The following PRDM16 variants were observed in gnomAD, a reference collection of about 807,000 sequenced individuals.
The protein encoded by PRDM16 is PR/SET domain 16.
A neutral mutation model predicts 110.6 loss-of-function variants in PRDM16; 23 were observed. The observed-to-expected ratio is 0.21, with a 90% CI of 0.15 to 0.29. The LOEUF (loss-of-function observed/expected upper bound fraction) is 0.29, where lower values mean the gene tolerates loss of function less well. PRDM16 is among the 10% of genes least tolerant of loss of function. PRDM16 has a pLI of 1.00. For missense variants in PRDM16, 1,615 were observed against 1,794.3 expected, an observed-to-expected ratio of 0.90 and a Z score of 1.81; for synonymous variants, 799 against 781.8, an observed-to-expected ratio of 1.02 and a Z score of -0.37.
chr1:3,070,943 G>A (rs1270314061), intron 1 of PRDM16, among the ~76,000 whole-genome samples: 1 of 152,242 alleles, frequency 6.6e-6, no homozygotes, highest in Non-Finnish European at 1.5e-5. Context: ...GACCCCTCTT[G>A]GTGCGAACAA....
Position 3,201,896 on chromosome 1 carries a change from C to T in PRDM16, c.387+15422C>T, listed in dbSNP as rs747660036. ...GAGCTTAGGCGCTGACTCCACCTCT[C>T]GGAGGGACCTCCAAGTGGAGCCTTC... On this transcript the variant is annotated intron_variant, in intron 2 of 16. Coordinates refer to ENST00000270722, the MANE Select transcript of PRDM16 (RefSeq NM_022114.4). This position sits in a 1 kb window ranked among gnomAD's most constrained non-coding sequence, Gnocchi z 4.1. 2.0e-4 allele frequency among the ~76,000 whole-genome samples: 30 copies of T among 152,236 alleles called. No homozygotes were observed. Among genetic ancestry groups the T allele is most frequent in the Non-Finnish European group, 3.2e-4 (22 of 68,040 alleles).
chr1:3,344,270 C>T (rs889225743), intron 3 of PRDM16, among the ~76,000 whole-genome samples: 5 of 152,076 alleles, frequency 3.3e-5, no homozygotes, highest in Non-Finnish European at 5.9e-5. Context: ...CCCAGGATCA[C>T]GTCACTGCCC....
chr1:3,169,900 G>A (rs7518255), intron 1 of PRDM16, among the ~76,000 whole-genome samples: 35,476 of 152,256 alleles, frequency 0.23, 4,222 homozygotes, highest in Admixed American at 0.29. Context: ...GGGGACTGTC[G>A]TTAATTCACT....
At position 3,370,032 on chromosome 1, in the gene PRDM16, G is replaced by A. The variant is rs1164156004; in HGVS notation, c.439-15120G>A. On this transcript the variant is annotated intron_variant, in intron 3 of 16. Coordinates refer to ENST00000270722, the MANE Select transcript of PRDM16 (RefSeq NM_022114.4). The surrounding 1 kb of genome is among the most constrained non-coding windows in gnomAD (Gnocchi z 4.8). ...GGGAGAAGAAAGAAGGATGGGCTCGGAGAGACTGAGTCAGCTGCAGGGAAG... is the reference window on the plus strand; with the variant it reads ...GGGAGAAGAAAGAAGGATGGGCTCGAAGAGACTGAGTCAGCTGCAGGGAAG... 1.3e-5 allele frequency among the ~76,000 whole-genome samples: 2 copies of A among 152,166 alleles called. No individual in the cohort carries two copies. The highest frequency in any genetic ancestry group is 2.9e-5 in the Non-Finnish European group (2 of 68,032).
At chr1:3,389,883 C>T (rs113301638) in intron 4 of PRDM16, among the ~76,000 whole-genome samples, 108 of 152,028 alleles carry the variant, frequency 7.1e-4, no homozygotes, top group Non-Finnish European at 1.3e-3. Context: ...CTTGCTGCCT[C>T]GTCCGAGCAT....
intron 3 of PRDM16, among the ~76,000 whole-genome samples, chr1:3,321,240 G>T (rs1049030187): frequency 1.3e-5 from 2 of 152,048 alleles, no homozygotes; most frequent in African/African-American, 4.8e-5. Context: ...GCACACACGC[G>T]TGGGGGTAAA....
intron 1 of PRDM16, among the ~76,000 whole-genome samples, chr1:3,147,940 G>A (rs1266454192): frequency 1.3e-5 from 2 of 152,144 alleles, no homozygotes; most frequent in African/African-American, 2.4e-5. Context: ...CCCTCACTGC[G>A]CTGACAGTCT....
intron 3 of PRDM16, among the ~76,000 whole-genome samples, chr1:3,351,070 G>T (rs1011058256): frequency 1.2e-4 from 19 of 152,214 alleles, no homozygotes; most frequent in Non-Finnish European, 2.4e-4. Context: ...AGAGATCCCC[G>T]TGTCCTGGGA....
chr1:3,103,369 G>A (rs955923576), intron 1 of PRDM16, among the ~76,000 whole-genome samples: 7 of 152,192 alleles, frequency 4.6e-5, no homozygotes, highest in Non-Finnish European at 8.8e-5. Context: ...ATTAGGGCCC[G>A]TCCTAATGAC....
At chr1:3,126,130 C>A (rs1157452811) in intron 1 of PRDM16, among the ~76,000 whole-genome samples, 1 of 152,216 alleles carries the variant, frequency 6.6e-6, no homozygotes, top group Non-Finnish European at 1.5e-5. Flanking sequence ...CGAACTGTCT[C>A]AATAAACGCG....
At chr1:3,392,672 G>T (rs1406912069) in intron 4 of PRDM16, among the ~76,000 whole-genome samples, 2 of 152,202 alleles carry the variant, frequency 1.3e-5, no homozygotes, top group Non-Finnish European at 2.9e-5. Flanking sequence ...GTATCCCAAA[G>T]CTGGCAGCCA....
At chr1:3,335,288 CT>C (rs1225762804) in intron 3 of PRDM16, among the ~76,000 whole-genome samples, 2 of 152,170 alleles carry the variant, frequency 1.3e-5, no homozygotes, top group African/African-American at 2.4e-5. Context: ...TCAAAGGAGA[CT>C]TTTCACAGCC....
intron 3 of PRDM16, among the ~76,000 whole-genome samples, chr1:3,345,385 A>G (rs1380129455): frequency 6.6e-6 from 1 of 152,064 alleles, no homozygotes; most frequent in Non-Finnish European, 1.5e-5. Flanking sequence ...CCCACTCTTT[A>G]TTATGCCACA....
intron 12 of PRDM16, among the ~76,000 whole-genome samples, chr1:3,420,419 T>G (rs1268194854): frequency 6.6e-6 from 1 of 152,216 alleles, no homozygotes; most frequent in South Asian, 2.1e-4. Flanking sequence ...CACCCACGTG[T>G]GTGCCCGCCG....
intron 2 of PRDM16, among the ~76,000 whole-genome samples, chr1:3,202,494 A>G (rs1263339116): frequency 2.0e-5 from 3 of 152,160 alleles, no homozygotes; most frequent in African/African-American, 4.8e-5. Context: ...TCAGAATCCT[A>G]GGAGAGCAGA....
chr1:3,293,407 G>T (rs1052813999), intron 3 of PRDM16, among the ~76,000 whole-genome samples: 1 of 152,164 alleles, frequency 6.6e-6, no homozygotes. Flanking sequence ...TAATATGTGG[G>T]TAAAGGTTGT....
In PRDM16 at chr1:3,208,841, T is replaced by A. The variant is rs1401759464; in HGVS notation, c.387+22367T>A. Among the ~76,000 whole-genome samples the A allele has an allele frequency of 6.6e-6, 1 of 152,176 alleles. No homozygotes were observed. Among genetic ancestry groups the A allele is most frequent in the African/African-American group, 2.4e-5 (1 of 41,434 alleles). ...ACCATCTCCACCCCCTGAAGCCATC[T>A]CCTCTTGCTCCCTGAGTGCCTGTCC... On this transcript the variant is annotated intron_variant, in intron 2 of 16. Coordinates refer to ENST00000270722, the MANE Select transcript of PRDM16 (RefSeq NM_022114.4). The surrounding 1 kb of genome is among the most constrained non-coding windows in gnomAD (Gnocchi z 6.1).
In PRDM16 at chr1:3,198,109, T is replaced by C. The variant is rs115876623; in HGVS notation, c.387+11635T>C. ...CTGAGGACAACTCCTGTGGGCTGCC[T>C]GTCTCTGCTGCCTCCTGCACGCGGG... On this transcript the variant is annotated intron_variant, in intron 2 of 16. Transcript: ENST00000270722. Among the ~76,000 whole-genome samples, 488 of 152,308 alleles carry C rather than the reference T, an allele frequency of 3.2e-3. 6 individuals carry two copies. Among genetic ancestry groups the C allele is most frequent in the African/African-American group, 0.011 (474 of 41,570 alleles).
chr1:3,304,576 T>C (rs1288819179), intron 3 of PRDM16, among the ~76,000 whole-genome samples: 1 of 152,152 alleles, frequency 6.6e-6, no homozygotes, highest in Admixed American at 6.5e-5. Context: ...ACGGAGCCAC[T>C]GGCCTCAACT....
Sources: gnomAD v4.1 joint callset for allele counts (sites outside exome capture counted in the v4.1 genomes callset) on GRCh38, gnomAD v4.1.1 for gene constraint, Gnocchi (gnomAD v3.1) non-coding constraint, MANE v1.5 for transcripts, NCBI Gene and HGNC (gene_info 2026-07-23, HGNC 2026-07-21) for gene names.